MYO16: variants seen among roughly 807,000 people sequenced by gnomAD.
MYO16 encodes the protein myosin XVI, also known as unconventional myosin-XVI.
Under a neutral mutation model 205.3 loss-of-function variants are expected in MYO16, and 94 were observed. The observed-to-expected ratio is 0.46, with a 90% CI of 0.39 to 0.54. MYO16 has a LOEUF of 0.54. Ranked by LOEUF, MYO16 falls within the 20% of genes least tolerant of loss-of-function variation. MYO16 has a pLI of 0.00. For synonymous variants in MYO16, 988 were observed against 954.0 expected (o/e 1.04, Z -0.66); for missense variants, 2,315 against 2,387.5 (o/e 0.97, Z 0.63).
At chr13:108,562,927 A>G in the MYO16 span, among the ~76,000 whole-genome samples, 2 of 152,128 alleles carry the variant, frequency 1.3e-5, no homozygotes, top group Non-Finnish European at 2.9e-5. Context: ...CCATATGTAT[A>G]CATATGTATA....
At chr13:108,853,596 ATT>A (rs35080410) in intron 10 of MYO16, among the ~76,000 whole-genome samples, 131 of 130,204 alleles carry the variant, frequency 1.0e-3, no homozygotes, top group Middle Eastern at 3.9e-3. Flanking sequence ...TGAGATCTAG[ATT>A]TTTTTTTTTT....
In MYO16 at chr13:108,813,203, G is replaced by T. The variant is rs115932867; in HGVS notation, c.867+6399G>T. ...TTAGAAAGTATTTATTTTGTGGTAT[G>T]AGGGCAGAACTGTTTGGTTAATAAG... On this transcript the variant is annotated intron_variant, in intron 7 of 34. Transcript: ENST00000457511. Among the ~76,000 whole-genome samples, 852 of 152,266 alleles carry T rather than the reference G, an allele frequency of 5.6e-3. 8 individuals carry two copies. The highest frequency in any genetic ancestry group is 0.02 in the African/African-American group (815 of 41,572).
chr13:108,706,758 G>A (rs1317680689), intron 2 of MYO16, among the ~76,000 whole-genome samples: 1 of 152,178 alleles, frequency 6.6e-6, no homozygotes, highest in Non-Finnish European at 1.5e-5. Context: ...GAAGACCTTG[G>A]ACTTGGCTTA....
chr13:109,017,083 G>A (rs1442969051), intron 22 of MYO16, among the ~76,000 whole-genome samples: 2 of 152,180 alleles, frequency 1.3e-5, no homozygotes, highest in African/African-American at 4.8e-5. Context: ...AATTTGGCAT[G>A]TTTTAGCAGT....
chr13:109,179,952 G>A (rs183362059), intron 34 of MYO16, among the ~76,000 whole-genome samples: 231 of 152,252 alleles, frequency 1.5e-3, no homozygotes, highest in African/African-American at 5.3e-3. Flanking sequence ...TCTGCTGAAT[G>A]AAGTTGCTAT....
chr13:109,100,267 G>A (rs1243523357), intron 27 of MYO16, among the ~76,000 whole-genome samples: 2 of 152,156 alleles, frequency 1.3e-5, no homozygotes, highest in Non-Finnish European at 2.9e-5. Flanking sequence ...AAATAAAAAT[G>A]TCCCAGAATA....
chr13:108,612,225 T>A (rs1026803605), intron 1 of MYO16, among the ~76,000 whole-genome samples: 2 of 152,116 alleles, frequency 1.3e-5, no homozygotes, highest in African/African-American at 4.8e-5. Flanking sequence ...TACAGTCCTG[T>A]GTCTTGCATG....
intron 9 of MYO16, among the ~76,000 whole-genome samples, chr13:108,836,258 G>A (rs575357677): frequency 2.7e-4 from 41 of 152,318 alleles, no homozygotes; most frequent in African/African-American, 9.9e-4. Flanking sequence ...AGCCTTGGTG[G>A]AATACATGTG....
intron 20 of MYO16, among the ~76,000 whole-genome samples, chr13:108,974,026 C>CT (rs1312787861): frequency 6.6e-6 from 1 of 151,788 alleles, no homozygotes; most frequent in Non-Finnish European, 1.5e-5. Context: ...AAAGGCTGAT[C>CT]TTTACCTTGA....
At chr13:108,842,096 T>C (rs1877271902) in intron 9 of MYO16, among the ~76,000 whole-genome samples, 1 of 152,056 alleles carries the variant, frequency 6.6e-6, no homozygotes, top group South Asian at 2.1e-4. Context: ...AAGACTTAAA[T>C]ATAAAAACCA....
At chr13:108,629,089 C>A (rs1879857814), upstream of MYO16, 1 of 152,130 alleles carries the variant, frequency 6.6e-6, no homozygotes, top group Admixed American at 6.5e-5. Context: ...TTGCAGTCTG[C>A]AGAGGTAGGA....
At chr13:108,711,544 C>T (rs1326387801) in intron 2 of MYO16, among the ~76,000 whole-genome samples, 1 of 152,254 alleles carries the variant, frequency 6.6e-6, no homozygotes, top group Non-Finnish European at 1.5e-5. Context: ...ATCACACCCA[C>T]TGCACCCACC....
chr13:108,788,927 T>C (rs1028617776), intron 5 of MYO16, among the ~76,000 whole-genome samples: 2 of 152,218 alleles, frequency 1.3e-5, no homozygotes, highest in African/African-American at 4.8e-5. Context: ...CTGTCCAAAT[T>C]GCTAAATGTT....
intron 2 of MYO16, among the ~76,000 whole-genome samples, chr13:108,677,000 C>A (rs966675625): frequency 6.6e-6 from 1 of 152,196 alleles, no homozygotes; most frequent in Non-Finnish European, 1.5e-5. Flanking sequence ...TGTTTGCGAG[C>A]CCATATCTTT....
chr13:108,968,911 T>C (rs1297772669), intron 20 of MYO16, among the ~76,000 whole-genome samples: 1 of 152,192 alleles, frequency 6.6e-6, no homozygotes, highest in Non-Finnish European at 1.5e-5. Flanking sequence ...TCTGAGGGAA[T>C]AAGTTGGTCT....
intron 9 of MYO16, among the ~76,000 whole-genome samples, chr13:108,823,996 G>A (rs439133): frequency 0.028 from 4,242 of 152,138 alleles, 186 homozygotes; most frequent in African/African-American, 0.094. Flanking sequence ...GGCTTGGAAT[G>A]TATAATAAAA....
chr13:108,781,831 A>G (rs1235713106), intron 4 of MYO16, among the ~76,000 whole-genome samples: 1 of 152,158 alleles, frequency 6.6e-6, no homozygotes, highest in African/African-American at 2.4e-5. Flanking sequence ...TGATGGGTTT[A>G]TCAGGGATTT....
At chr13:108,783,428 C>T (rs1354476452) in intron 4 of MYO16, among the ~76,000 whole-genome samples, 1 of 152,150 alleles carries the variant, frequency 6.6e-6, no homozygotes, top group East Asian at 1.9e-4. Context: ...TTTGATTTTA[C>T]AGGCTCATAG....
At chr13:109,174,675 A>T (rs1256024328) in intron 33 of MYO16, among the ~76,000 whole-genome samples, 1 of 151,516 alleles carries the variant, frequency 6.6e-6, no homozygotes. Context: ...TGACTAATAG[A>T]TTCTAACCGG....
Sources: gnomAD v4.1 joint callset for allele counts (sites outside exome capture counted in the v4.1 genomes callset) on GRCh38, gnomAD v4.1.1 for gene constraint, MANE v1.5 for transcripts, NCBI Gene and HGNC (gene_info 2026-07-23, HGNC 2026-07-21) for gene names.